Variants in PDE10A observed in about 807,000 individuals in gnomAD.
PDE10A encodes the protein cAMP and cAMP-inhibited cGMP 3',5'-cyclic phosphodiesterase 10A.
In PDE10A, 39 loss-of-function variants were observed where a neutral mutation model predicts 97.7. The observed-to-expected ratio is 0.40, with a 90% CI of 0.31 to 0.52. The LOEUF (loss-of-function observed/expected upper bound fraction) is 0.52. Among genes scored for constraint, PDE10A ranks in the 20% least tolerant of loss-of-function variants. The probability of loss-of-function intolerance (pLI) is 0.56; values close to 1 mark genes in which losing one functional copy is unlikely to be tolerated. For missense variants in PDE10A, 731 were observed against 1,047.8 expected, an observed-to-expected ratio of 0.70 and a Z score of 4.17; for synonymous variants, 371 against 376.8, an observed-to-expected ratio of 0.98 and a Z score of 0.18.
At chr6:165,957,434 T>C (rs1466303630) in intron 1 of PDE10A, among the ~76,000 whole-genome samples, 2 of 152,054 alleles carry the variant, frequency 1.3e-5, no homozygotes, top group East Asian at 1.9e-4. Flanking sequence ...TAAGCTGTGA[T>C]TGTGCAGCTG....
At chr6:165,658,529 C>G (rs775834706) in intron 1 of PDE10A, among the ~76,000 whole-genome samples, 1 of 152,210 alleles carries the variant, frequency 6.6e-6, no homozygotes, top group Non-Finnish European at 1.5e-5. Context: ...TGACTGTTCT[C>G]CTTATCCACA....
At chr6:165,874,306 G>GA (rs1781277907) in intron 1 of PDE10A, among the ~76,000 whole-genome samples, 1 of 152,094 alleles carries the variant, frequency 6.6e-6, no homozygotes, top group Non-Finnish European at 1.5e-5. Flanking sequence ...GCTTCTGGGA[G>GA]AAAAAAGGAC....
chr6:165,376,927 G>C (rs946777447), intron 18 of PDE10A, among the ~76,000 whole-genome samples: 2 of 151,906 alleles, frequency 1.3e-5, no homozygotes, highest in African/African-American at 4.8e-5. Context: ...AAAAGAAGGA[G>C]AAGAAAACAA....
At chr6:165,961,942 T>G (rs891051814) in intron 1 of PDE10A, among the ~76,000 whole-genome samples, 6 of 152,242 alleles carry the variant, frequency 3.9e-5, no homozygotes. Context: ...GCGTGACTTT[T>G]GTGGAGCATT....
chr6:165,355,207 CT>C (rs905992209), intron 18 of PDE10A, among the ~76,000 whole-genome samples: 11 of 152,004 alleles, frequency 7.2e-5, no homozygotes, highest in Admixed American at 1.3e-4. Flanking sequence ...ATAGATCATA[CT>C]TTTTTTATAC....
At chr6:165,886,237 G>C (rs1342345536) in intron 1 of PDE10A, among the ~76,000 whole-genome samples, 1 of 149,772 alleles carries the variant, frequency 6.7e-6, no homozygotes. Context: ...TGGAACCCTG[G>C]AGCCCTGCAG....
At chr6:165,717,601 TA>T (rs1792057737) in intron 1 of PDE10A, among the ~76,000 whole-genome samples, 1 of 152,002 alleles carries the variant, frequency 6.6e-6, no homozygotes, top group Non-Finnish European at 1.5e-5. Context: ...AAAAAGTGTA[TA>T]AATGTCATTT....
chr6:165,825,275 G>C (rs1243784608), intron 1 of PDE10A, among the ~76,000 whole-genome samples: 1 of 152,146 alleles, frequency 6.6e-6, no homozygotes, highest in African/African-American at 2.4e-5. Flanking sequence ...AAGCCCAGGG[G>C]TGTGTCTGGA....
In PDE10A at chr6:165,852,383, C is replaced by A. The variant is rs1427803574; in HGVS notation, c.-615+135146G>T. Among the ~76,000 whole-genome samples the A allele has an allele frequency of 2.6e-5, 4 of 152,232 alleles. No individual in the cohort carries two copies. The East Asian group carries it at 7.7e-4, about 29-fold the overall frequency. On this transcript the variant is annotated intron_variant, in intron 1 of 19. Transcript: ENST00000366882. ...CAATGCTGGTGAGTAAGGAAATCAT[C>A]TCAGGCCTGATGGTTGGCCTTATTG...
chr6:165,498,627 G>A (rs1013901500), intron 2 of PDE10A, among the ~76,000 whole-genome samples: 2 of 151,818 alleles, frequency 1.3e-5, no homozygotes, highest in African/African-American at 4.8e-5. Context: ...TCTATCAGCA[G>A]AGATCTTAAC....
intron 18 of PDE10A, among the ~76,000 whole-genome samples, chr6:165,355,375 A>AGTTG (rs1280250910): frequency 6.6e-5 from 10 of 152,298 alleles, no homozygotes; most frequent in African/African-American, 2.4e-4. Context: ...ATCGAACCCC[A>AGTTG]GCAACTGCCA....
At chr6:165,958,190 A>C (rs986377073) in intron 1 of PDE10A, among the ~76,000 whole-genome samples, 5 of 152,236 alleles carry the variant, frequency 3.3e-5, no homozygotes, top group Middle Eastern at 3.4e-3. Flanking sequence ...TGTGAGCAGG[A>C]CCTTCTGAGC....
intron 1 of PDE10A, among the ~76,000 whole-genome samples, chr6:165,616,419 A>T (rs975910059): frequency 5.1e-4 from 77 of 151,812 alleles, no homozygotes; most frequent in African/African-American, 1.6e-3. Flanking sequence ...AACACTTTTC[A>T]AAAAAAAATC....
At chr6:165,667,822 T>C (rs1790534780), upstream of PDE10A, among the ~76,000 whole-genome samples, 1 of 152,212 alleles carries the variant, frequency 6.6e-6, no homozygotes, top group Admixed American at 6.5e-5. Flanking sequence ...TTGCTGAGAT[T>C]ATATAATCAA....
intron 13 of PDE10A, among the ~76,000 whole-genome samples, chr6:165,402,139 CA>C (rs1786715529): frequency 6.6e-6 from 1 of 152,100 alleles, no homozygotes; most frequent in African/African-American, 2.4e-5. Context: ...TCATGTCTCA[CA>C]AAACTTCTAC....
chr6:165,827,153 C>G (rs1008969094), intron 1 of PDE10A, among the ~76,000 whole-genome samples: 2 of 152,198 alleles, frequency 1.3e-5, no homozygotes, highest in African/African-American at 4.8e-5. Context: ...GACGCTTCCC[C>G]TCTTGTGCGC....
At chr6:165,553,702 A>T (rs1336408336) in intron 1 of PDE10A, among the ~76,000 whole-genome samples, 1 of 152,240 alleles carries the variant, frequency 6.6e-6, no homozygotes, top group Non-Finnish European at 1.5e-5. Context: ...TTATCAGAAG[A>T]TAAATTCCAT....
At chr6:165,446,951 A>G (rs1790891748) in intron 5 of PDE10A, among the ~76,000 whole-genome samples, 1 of 152,210 alleles carries the variant, frequency 6.6e-6, no homozygotes, top group Admixed American at 6.5e-5. Flanking sequence ...TTAAGTTACT[A>G]AAGTAAAAGA....
At chr6:165,652,688 G>A (rs1216308035) in intron 1 of PDE10A, among the ~76,000 whole-genome samples, 1 of 152,056 alleles carries the variant, frequency 6.6e-6, no homozygotes, top group Non-Finnish European at 1.5e-5. Flanking sequence ...TTTTCCAACA[G>A]AGTAAACTGC....
Sources: allele counts gnomAD v4.1 joint callset (sites outside exome capture counted in the v4.1 genomes callset), GRCh38; gene constraint gnomAD v4.1.1; transcripts MANE v1.5; gene names NCBI Gene and HGNC (gene_info 2026-07-23, HGNC 2026-07-21).